NIPA1: variants seen among roughly 807,000 people sequenced by gnomAD.
NIPA1 encodes the protein magnesium transporter NIPA1.
Under a neutral mutation model 23.9 loss-of-function variants are expected in NIPA1, and 13 were observed. The ratio of observed to expected loss-of-function variants is 0.54; its 90% CI spans 0.35 to 0.87. The LOEUF (loss-of-function observed/expected upper bound fraction) is 0.87, where lower values mean the gene tolerates loss of function less well. Among genes scored for constraint, NIPA1 ranks in the 40% least tolerant of loss-of-function variants. NIPA1 has a pLI of 0.01. For missense variants in NIPA1, 362 were observed against 429.7 expected, an observed-to-expected ratio of 0.84 and a Z score of 1.39; for synonymous variants, 234 against 202.9, an observed-to-expected ratio of 1.15 and a Z score of -1.30.
At chr15:22,816,577 G>C (rs571343681) in intron 3 of NIPA1, among the ~76,000 whole-genome samples, 13 of 131,796 alleles carry the variant, frequency 9.9e-5, no homozygotes, top group Non-Finnish European at 1.4e-4. Flanking sequence ...CTGCAACCTC[G>C]GCCTCCTGGG....
At chr15:22,821,869 A>G (rs894637237) in intron 4 of NIPA1, among the ~76,000 whole-genome samples, 1 of 152,218 alleles carries the variant, frequency 6.6e-6, no homozygotes, top group African/African-American at 2.4e-5. Context: ...CCTTATACAC[A>G]CAAGTTCAAA....
chr15:22,804,464 G>A (rs1566781694), intron 1 of NIPA1, among the ~76,000 whole-genome samples: 4 of 152,104 alleles, frequency 2.6e-5, no homozygotes, highest in Admixed American at 1.3e-4. Flanking sequence ...TTTTGTTGAA[G>A]TCTAATTTGT....
Position 22,786,838 on chromosome 15 carries a change from G to GGGCGGGCGGCAGGCGGCAGGC in NIPA1, c.178+14_178+34dup. On this transcript the variant is annotated splice_donor_region_variant and intron_variant, in intron 1 of 4. Coordinates refer to ENST00000337435, the MANE Select transcript of NIPA1 (RefSeq NM_144599.5). ...ATCGTGCGTGCCAAGCGGCGAGGTA[G>GGGCGGGCGGCAGGCGGCAGGC]GGCGGGCGGCAGGCGGCAGGCGGCG... The GGGCGGGCGGCAGGCGGCAGGC allele has an allele frequency of 2.5e-6, 3 of 1,205,582 alleles. No individual in the cohort carries two copies. The highest frequency in any genetic ancestry group is 3.2e-6 in the Non-Finnish European group (3 of 951,066). 74.7% of individuals were successfully genotyped at this position (1,205,582 alleles called of 1,614,324 possible). A position where few individuals can be genotyped will look rare whatever the true frequency, so the allele number is the denominator to read the frequency against.
rs1895333407 is a variant in NIPA1, at chr15:22,812,253, G to T, written c.317G>T (p.Gly106Val). ...TPLGALGVPF[G>V]SILASYLLKE... is the part of the protein sequence containing the mutation. ...CTGGGCGCCCTTGGAGTACCGTTCG[G>T]GTGAGAGCCAAGATTGTGTTTGGTA... is the stretch of plus-strand genomic sequence containing the variant. Residue 106 changes from glycine to valine, a missense_variant and splice_region_variant, in exon 3 of 5, where the codon GGG (glycine) becomes GTG (valine). Coordinates refer to ENST00000337435, the MANE Select transcript of NIPA1 (RefSeq NM_144599.5). 1 of 1,604,426 alleles carries T rather than the reference G, an allele frequency of 6.2e-7. No individual in the cohort carries two copies. Among genetic ancestry groups the T allele is most frequent in the African/African-American group, 1.3e-5 (1 of 74,720 alleles).
chr15:22,791,319 C>T (rs1449235674), intron 1 of NIPA1, among the ~76,000 whole-genome samples: 2 of 151,992 alleles, frequency 1.3e-5, no homozygotes, highest in East Asian at 1.9e-4. Context: ...TTCTCACTTA[C>T]AAGTGGAAGC....
intron 4 of NIPA1, among the ~76,000 whole-genome samples, chr15:22,821,351 C>T (rs918943183): frequency 1.3e-5 from 2 of 152,226 alleles, no homozygotes; most frequent in African/African-American, 2.4e-5. Flanking sequence ...AAGTAGACCA[C>T]CCTGTGTTGC....
intron 1 of NIPA1, among the ~76,000 whole-genome samples, chr15:22,794,687 A>C (rs1441954834): frequency 6.6e-6 from 1 of 152,006 alleles, no homozygotes. Context: ...CCACACTTGC[A>C]CTGGCTCTGG....
intron 4 of NIPA1, among the ~76,000 whole-genome samples, chr15:22,821,382 G>A (rs550714679): frequency 6.6e-5 from 10 of 152,306 alleles, no homozygotes; most frequent in Admixed American, 6.5e-4. Flanking sequence ...GTTTAGGCAG[G>A]TTCCAGCACA....
intron 4 of NIPA1, among the ~76,000 whole-genome samples, chr15:22,822,694 G>A (rs889774281): frequency 3.3e-5 from 5 of 151,854 alleles, no homozygotes; most frequent in East Asian, 3.9e-4. Flanking sequence ...GCGTGGTGGC[G>A]GGTGCTTATG....
At chr15:22,810,266 T>G (rs6606825) in intron 1 of NIPA1, among the ~76,000 whole-genome samples, 48,851 of 151,990 alleles carry the variant, frequency 0.32, 13,133 homozygotes, top group African/African-American at 0.72. Context: ...AGGATGTGGT[T>G]CCCGCATGGC....
At position 22,806,144 on chromosome 15, in the gene NIPA1, T is replaced by C. The variant is rs369637550; in HGVS notation, c.179-4605T>C. Reference sequence around the variant, plus strand: ...TTCACCGTGTTAGCCAGGATGGTCTTGATCTCCTGACCTTGTGATCCGCCC... The same window carrying C: ...TTCACCGTGTTAGCCAGGATGGTCTCGATCTCCTGACCTTGTGATCCGCCC... On this transcript the variant is annotated intron_variant, in intron 1 of 4. Transcript: ENST00000337435. 2.8e-3 allele frequency among the ~76,000 whole-genome samples: 432 copies of C among 152,246 alleles called. 1 individual carries two copies. The highest frequency in any genetic ancestry group is 6.4e-3 in the East Asian group (33 of 5,174).
At position 22,792,513 on chromosome 15, in the gene NIPA1, C is replaced by T. The variant is rs1013673720; in HGVS notation, c.178+5679C>T. 9.9e-5 allele frequency among the ~76,000 whole-genome samples: 15 copies of T among 152,096 alleles called. 1 individual carries two copies. The highest frequency in any genetic ancestry group is 3.6e-4 in the African/African-American group (15 of 41,428). On this transcript the variant is annotated intron_variant, in intron 1 of 4. Transcript: ENST00000337435. ...AGCTGGGACTACAGATGCCCGCCAC[C>T]ACACCCGGCTAATTTTTTGTATTTT...
At chr15:22,790,981 T>C (rs927017625) in intron 1 of NIPA1, among the ~76,000 whole-genome samples, 3 of 152,140 alleles carry the variant, frequency 2.0e-5, no homozygotes, top group Non-Finnish European at 4.4e-5. Context: ...TTAAAAATTT[T>C]TTAAATTTTT....
intron 1 of NIPA1, among the ~76,000 whole-genome samples, chr15:22,807,348 A>G (rs1034024119): frequency 1.1e-4 from 16 of 152,308 alleles, no homozygotes; most frequent in African/African-American, 3.4e-4. Context: ...CTTTCACTGT[A>G]GGAGGGTCAC....
At chr15:22,808,973 A>G (rs899862322) in intron 1 of NIPA1, among the ~76,000 whole-genome samples, 1 of 152,006 alleles carries the variant, frequency 6.6e-6, no homozygotes, top group Non-Finnish European at 1.5e-5. Flanking sequence ...CCCAGCCCCC[A>G]TTTCATTTTG....
chr15:22,805,983 G>A (rs1436781148), intron 1 of NIPA1, among the ~76,000 whole-genome samples: 1 of 151,986 alleles, frequency 6.6e-6, no homozygotes, highest in Non-Finnish European at 1.5e-5. Context: ...GAGTGCAGTG[G>A]CGCGATCTCG....
chr15:22,786,609 G>A, upstream of NIPA1: 5 of 767,114 alleles, frequency 6.5e-6, no homozygotes, highest in Non-Finnish European at 7.9e-6. Flanking sequence ...ATCCCGCCCC[G>A]CGGGGCGCGG....
chr15:22,814,377 G>A (rs1269025127), intron 3 of NIPA1, among the ~76,000 whole-genome samples: 1 of 150,726 alleles, frequency 6.6e-6, no homozygotes, highest in Non-Finnish European at 1.5e-5. Flanking sequence ...AATTTTTTTT[G>A]TATTTTTAGT....
chr15:22,802,369 G>T (rs951667080), intron 1 of NIPA1, among the ~76,000 whole-genome samples: 1 of 142,534 alleles, frequency 7.0e-6, no homozygotes, highest in Admixed American at 7.2e-5. Flanking sequence ...TTCAACCTGG[G>T]CGACAGAGTG....
Sources: allele counts gnomAD v4.1 joint callset (sites outside exome capture counted in the v4.1 genomes callset), GRCh38; gene constraint gnomAD v4.1.1; transcripts MANE v1.5; gene names NCBI Gene and HGNC (gene_info 2026-07-23, HGNC 2026-07-21).